Variants in NCKAP5 observed in about 807,000 individuals in gnomAD.
NCKAP5 encodes nck-associated protein 5.
A neutral mutation model predicts 167.0 loss-of-function variants in NCKAP5; 92 were observed. The observed-to-expected ratio is 0.55, with a 90% confidence interval of 0.47 to 0.66. The LOEUF (loss-of-function observed/expected upper bound fraction) is 0.66, where lower values mean the gene tolerates loss of function less well. NCKAP5 is among the 30% of genes least tolerant of loss of function. The probability of loss-of-function intolerance (pLI) is 0.00; values close to 1 mark genes in which losing one functional copy is unlikely to be tolerated. For synonymous variants in NCKAP5, 891 were observed against 877.4 expected (o/e 1.02, Z -0.27); for missense variants, 2,378 against 2,315.0 (o/e 1.03, Z -0.56).
chr2:132,818,854 G>T (rs1302670672), intron 11 of NCKAP5, among the ~76,000 whole-genome samples: 1 of 152,102 alleles, frequency 6.6e-6, no homozygotes, highest in Non-Finnish European at 1.5e-5. Context: ...TCATATTATA[G>T]CTGTTGAAAA....
chr2:133,501,861 G>A (rs1237927488), intron 3 of NCKAP5, among the ~76,000 whole-genome samples: 2 of 152,176 alleles, frequency 1.3e-5, no homozygotes, highest in Admixed American at 1.3e-4. Context: ...CAAATAATTG[G>A]TTTCAAGAAA....
At chr2:133,458,320 T>C (rs1280519577) in intron 3 of NCKAP5, among the ~76,000 whole-genome samples, 1 of 152,156 alleles carries the variant, frequency 6.6e-6, no homozygotes, top group Non-Finnish European at 1.5e-5. Context: ...CAATGCTCCT[T>C]TCTACCATGA....
intron 5 of NCKAP5, among the ~76,000 whole-genome samples, chr2:133,195,304 A>G (rs1220303674): frequency 1.3e-5 from 2 of 152,166 alleles, no homozygotes; most frequent in African/African-American, 4.8e-5. Flanking sequence ...TATGATTATT[A>G]GGTGACACAG....
chr2:133,248,558 T>C (rs1241960955), intron 4 of NCKAP5, among the ~76,000 whole-genome samples: 1 of 152,220 alleles, frequency 6.6e-6, no homozygotes, highest in Admixed American at 6.5e-5. Context: ...AGGACCCTGG[T>C]TTCTAGTCCA....
chr2:133,176,367 T>C (rs896070368), intron 5 of NCKAP5, among the ~76,000 whole-genome samples: 1 of 152,236 alleles, frequency 6.6e-6, no homozygotes, highest in Non-Finnish European at 1.5e-5. Context: ...ATCTCCTTTT[T>C]CCCCTTTTGT....
rs188633154 is a variant in NCKAP5, at chr2:133,316,043, G to A, written c.70-12933C>T. ...AGAGATTCAGGTTCAGTAAGTCTAG[G>A]AATAAGATGGGACCCAGAGATGTAA... On this transcript the variant is annotated intron_variant, in intron 3 of 19. Transcript: ENST00000409261. Among the ~76,000 whole-genome samples the A allele has an allele frequency of 1.1e-3, 174 of 152,264 alleles. 1 individual carries two copies. The highest frequency in any genetic ancestry group is 4.0e-3 in the African/African-American group (167 of 41,536).
At chr2:133,145,663 A>C (rs2083165576) in intron 5 of NCKAP5, among the ~76,000 whole-genome samples, 1 of 152,078 alleles carries the variant, frequency 6.6e-6, no homozygotes, top group African/African-American at 2.4e-5. Context: ...TTAACTCTCC[A>C]TATTGTGCAT....
rs115881268 is a variant in NCKAP5 at position 132,868,533 on chromosome 2, G to T, written c.687+403C>A. 6.1e-3 allele frequency among the ~76,000 whole-genome samples: 926 copies of T among 152,240 alleles called. 8 individuals are homozygous for T. The highest frequency in any genetic ancestry group is 0.01 in the Non-Finnish European group (702 of 68,002). On this transcript the variant is annotated intron_variant, in intron 10 of 19. Coordinates refer to ENST00000409261, the MANE Select transcript of NCKAP5 (RefSeq NM_207363.3). ...CCCACATTACAGAAGAGGAACTAGG[G>T]CTCAGGGAAATTAAATGACTTCCCT...
intron 6 of NCKAP5, among the ~76,000 whole-genome samples, chr2:133,042,975 A>G (rs958181660): frequency 4.6e-5 from 7 of 152,188 alleles, no homozygotes; most frequent in South Asian, 2.1e-4. Context: ...ATTTTTTTCA[A>G]TGACCTCAAA....
intron 6 of NCKAP5, among the ~76,000 whole-genome samples, chr2:133,101,825 G>A (rs2081522878): frequency 6.6e-6 from 1 of 152,174 alleles, no homozygotes; most frequent in African/African-American, 2.4e-5. Flanking sequence ...TGAGCTAAGT[G>A]GGAAAGGCTG....
In NCKAP5 at chr2:132,783,333, G is replaced by C. The variant is rs1683227450; in HGVS notation, c.3478C>G (p.Leu1160Val). ...CCTGGCACGGTGGAACTTTTCCTGA[G>C]CAGCTGGGGAGACTTCATGAGCACT... ...LKVLMKSPQL[L>V]RKSSTVPGKH... Residue 1160 changes from leucine (L) to valine (V), a missense_variant, in exon 14 of 20, where the codon CTC becomes GTC. Physicochemically the swap from Leu to Val is conservative, Grantham distance 32. Around this residue, in one of 3 missense-constraint regions of NCKAP5, gnomAD observed 1,325 missense variants for 1,274.5 expected, o/e 1.04. Coordinates refer to ENST00000409261, the MANE Select transcript of NCKAP5 (RefSeq NM_207363.3). 1 of 1,613,822 alleles carries C rather than the reference G, an allele frequency of 6.2e-7. No homozygotes were observed.
Position 133,367,670 on chromosome 2 carries a change from T to C in NCKAP5, c.70-64560A>G, listed in dbSNP as rs71413550. On this transcript the variant is annotated intron_variant, in intron 3 of 19. Coordinates refer to ENST00000409261, the MANE Select transcript of NCKAP5 (RefSeq NM_207363.3). ...TTAGATAGTTAATATAGAACCTATA[T>C]ATTATGAAACACCCCTAGCAAACAT... 7.3e-3 allele frequency among the ~76,000 whole-genome samples: 1,109 copies of C among 152,262 alleles called. 5 individuals carry two copies. Among genetic ancestry groups the C allele is most frequent in the Middle Eastern group, 0.041 (12 of 294 alleles).
intron 3 of NCKAP5, among the ~76,000 whole-genome samples, chr2:133,492,010 A>C (rs1002525745): frequency 1.3e-5 from 2 of 151,990 alleles, no homozygotes; most frequent in Admixed American, 6.6e-5. Flanking sequence ...CTTCTCCAGG[A>C]GCTCCTGCCC....
chr2:132,890,451 A>C (rs1049511780), intron 8 of NCKAP5, among the ~76,000 whole-genome samples: 1 of 152,214 alleles, frequency 6.6e-6, no homozygotes, highest in Non-Finnish European at 1.5e-5. Context: ...CTGACAGTGA[A>C]AACTACAGGC....
chr2:133,303,826 G>A (rs893178102), intron 3 of NCKAP5, among the ~76,000 whole-genome samples: 1 of 152,086 alleles, frequency 6.6e-6, no homozygotes, highest in Non-Finnish European at 1.5e-5. Flanking sequence ...AAAATCCATA[G>A]GTTATTACAA....
chr2:133,269,589 T>G (rs1195682248), intron 4 of NCKAP5, among the ~76,000 whole-genome samples: 1 of 151,934 alleles, frequency 6.6e-6, no homozygotes, highest in Non-Finnish European at 1.5e-5. Context: ...CAGGACACAG[T>G]GAAGGGAGAG....
chr2:133,007,540 C>T (rs1156565361), intron 6 of NCKAP5, among the ~76,000 whole-genome samples: 5 of 152,182 alleles, frequency 3.3e-5, no homozygotes, highest in Admixed American at 1.3e-4. Flanking sequence ...GCTGGAGTAA[C>T]AACCCCAACC....
intron 8 of NCKAP5, among the ~76,000 whole-genome samples, chr2:132,892,997 G>GAAAAAAAAAAAAAAAA: frequency 9.3e-6 from 1 of 107,648 alleles, no homozygotes; most frequent in Non-Finnish European, 2.0e-5. Context: ...TAAAAAAGCT[G>GAAAAAAAAAAAAAAAA]AAAAAAAAAA....
chr2:132,887,720 C>T (rs1692363664), intron 8 of NCKAP5, among the ~76,000 whole-genome samples: 1 of 152,152 alleles, frequency 6.6e-6, no homozygotes, highest in African/African-American at 2.4e-5. Flanking sequence ...GATCATAGCT[C>T]ACTGCATACT....
Sources: allele counts gnomAD v4.1 joint callset (sites outside exome capture counted in the v4.1 genomes callset), GRCh38; gene constraint gnomAD v4.1.1; regional missense constraint gnomAD v4.1.1; transcripts MANE v1.5; gene names NCBI Gene and HGNC (gene_info 2026-07-23, HGNC 2026-07-21).